Variants in SLC6A11 observed in about 807,000 individuals in gnomAD.
The protein encoded by SLC6A11 is sodium- and chloride-dependent GABA transporter 3.
In SLC6A11, 25 loss-of-function variants were observed where a neutral mutation model predicts 74.8. The observed-to-expected ratio is 0.33, with a 90% confidence interval of 0.24 to 0.47. The LOEUF (loss-of-function observed/expected upper bound fraction) is 0.47. Ranked by LOEUF, SLC6A11 falls within the 20% of genes least tolerant of loss-of-function variation. The probability of loss-of-function intolerance (pLI) is 1.00; values close to 1 mark genes in which losing one functional copy is unlikely to be tolerated. For missense variants in SLC6A11, 574 were observed against 837.0 expected (o/e 0.69, Z 3.88); for synonymous variants, 330 against 330.2 (o/e 1.00, Z 0.01).
chr3:10,870,654 T>C (rs1185961591), intron 5 of SLC6A11, among the ~76,000 whole-genome samples: 1 of 152,206 alleles, frequency 6.6e-6, no homozygotes, highest in African/African-American at 2.4e-5. Context: ...AGATTAGAAG[T>C]AGCTTTTACA....
At chr3:10,834,264 T>C (rs1351498410) in intron 4 of SLC6A11, among the ~76,000 whole-genome samples, 3 of 152,208 alleles carry the variant, frequency 2.0e-5, no homozygotes, top group Admixed American at 6.5e-5. Context: ...CTGCCTGCTT[T>C]ATCCCAGGTG....
intron 6 of SLC6A11, among the ~76,000 whole-genome samples, chr3:10,898,650 C>T (rs369101829): frequency 9.0e-4 from 137 of 152,336 alleles, no homozygotes; most frequent in African/African-American, 3.0e-3. Flanking sequence ...TGTCATTATC[C>T]GCATTTTTGT....
At chr3:10,846,301 C>T (rs1175459213) in intron 5 of SLC6A11, among the ~76,000 whole-genome samples, 1 of 152,190 alleles carries the variant, frequency 6.6e-6, no homozygotes, top group African/African-American at 2.4e-5. Flanking sequence ...GCTTTGTGAA[C>T]TGTGAAGAGA....
rs1379473342 is a variant in SLC6A11 at position 10,816,496 on chromosome 3, C to T, written c.231C>T (p.Pro77=). The change falls in exon 1 of 14, where the codon CCC becomes CCT. Residue 77 remains proline, a synonymous_variant. Transcript: ENST00000254488. The surrounding 1 kb of genome is among the most constrained non-coding windows in gnomAD (Gnocchi z 4.2). Reference sequence around the variant, plus strand: ...GGCTGGGCAACGTGTGGCGCTTCCCCTACCTGTGCTACAAGAACGGAGGAG... The same window carrying T: ...GGCTGGGCAACGTGTGGCGCTTCCCTTACCTGTGCTACAAGAACGGAGGAG... ...IIGLGNVWRF[P]YLCYKNGGGA... 1 of 1,603,580 alleles carries T rather than the reference C, an allele frequency of 6.2e-7. No individual in the cohort carries two copies. The highest frequency in any genetic ancestry group is 8.5e-7 in the Non-Finnish European group (1 of 1,175,480).
rs1694066977 is a variant in SLC6A11, at chr3:10,816,729, G to A, written c.256+208G>A. On this transcript the variant is annotated intron_variant, in intron 1 of 13. Transcript: ENST00000254488. The surrounding 1 kb of genome is among the most constrained non-coding windows in gnomAD (Gnocchi z 4.2). ...CGCGCACGTGCCAATTCGCACCTGA[G>A]GGTTCCACCTGCCAGCGCGGGGACT... Among the ~76,000 whole-genome samples, 1 of 152,340 alleles carries A rather than the reference G, an allele frequency of 6.6e-6. No individual in the cohort carries two copies. Among genetic ancestry groups the A allele is most frequent in the East Asian group, 1.9e-4 (1 of 5,154 alleles).
chr3:10,932,794 G>C (rs1695708388), intron 10 of SLC6A11, among the ~76,000 whole-genome samples: 1 of 152,176 alleles, frequency 6.6e-6, no homozygotes, highest in Admixed American at 6.5e-5. Flanking sequence ...GGATTGGAGA[G>C]GGTGAGGCTG....
At chr3:10,916,613 G>A (rs1043510593) in intron 7 of SLC6A11, among the ~76,000 whole-genome samples, 6 of 152,196 alleles carry the variant, frequency 3.9e-5, no homozygotes, top group African/African-American at 9.7e-5. Context: ...AATCATGCAA[G>A]CCCATCTCAA....
At chr3:10,904,155 C>A (rs890302563) in intron 6 of SLC6A11, among the ~76,000 whole-genome samples, 3 of 152,248 alleles carry the variant, frequency 2.0e-5, no homozygotes, top group Non-Finnish European at 4.4e-5. Context: ...ATCATGATGA[C>A]TGTAGCTAAA....
intron 6 of SLC6A11, among the ~76,000 whole-genome samples, chr3:10,878,221 C>T (rs1442941063): frequency 6.6e-6 from 1 of 152,124 alleles, no homozygotes; most frequent in Admixed American, 6.5e-5. Context: ...CTCCTGGCTG[C>T]GTCCCCTACT....
intron 4 of SLC6A11, among the ~76,000 whole-genome samples, chr3:10,829,093 A>C (rs1046266158): frequency 6.6e-6 from 1 of 152,238 alleles, no homozygotes; most frequent in Non-Finnish European, 1.5e-5. Context: ...AGAATTGAAT[A>C]AGACTTCTCC....
intron 8 of SLC6A11, among the ~76,000 whole-genome samples, chr3:10,925,471 C>T (rs945348496): frequency 4.6e-5 from 7 of 152,166 alleles, no homozygotes; most frequent in African/African-American, 1.7e-4. Flanking sequence ...CCCGAGGACA[C>T]GTTAACCCAG....
At chr3:10,904,031 G>T (rs1695273092) in intron 6 of SLC6A11, among the ~76,000 whole-genome samples, 1 of 152,262 alleles carries the variant, frequency 6.6e-6, no homozygotes, top group Non-Finnish European at 1.5e-5. Context: ...CTAACCTGGG[G>T]ATGATGATGC....
chr3:10,888,151 C>T (rs116232394), intron 6 of SLC6A11, among the ~76,000 whole-genome samples: 157 of 152,306 alleles, frequency 1.0e-3, no homozygotes, highest in African/African-American at 3.5e-3. Context: ...CACTGTGTGA[C>T]GTTAGGCGGA....
chr3:10,938,452 G>T lies in SLC6A11; in HGVS notation c.*50G>T. Reference sequence around the variant, plus strand: ...TTCTTCCTTTCTTCCCCCCGTGTATGTAAATGAATTCCTGAACCCCATACT... The same window carrying T: ...TTCTTCCTTTCTTCCCCCCGTGTATTTAAATGAATTCCTGAACCCCATACT... On this transcript the variant is annotated 3_prime_UTR_variant, in exon 14 of 14. Coordinates refer to ENST00000254488, the MANE Select transcript of SLC6A11 (RefSeq NM_014229.3). 6.5e-7 allele frequency: 1 copy of T among 1,531,700 alleles called. No individual in the cohort carries two copies. Among genetic ancestry groups the T allele is most frequent in the Non-Finnish European group, 8.9e-7 (1 of 1,129,802 alleles). The allele number at this position is 1,531,700 out of a possible 1,614,324, so 94.9% of individuals were successfully genotyped here. A position where few individuals can be genotyped will look rare whatever the true frequency, so the allele number is the denominator to read the frequency against.
intron 6 of SLC6A11, among the ~76,000 whole-genome samples, chr3:10,883,917 GAGTT>G (rs1695012352): frequency 6.6e-6 from 1 of 152,150 alleles, no homozygotes; most frequent in African/African-American, 2.4e-5. Flanking sequence ...ATTTGTTCCT[GAGTT>G]AGTTTCATTG....
At chr3:10,925,019 A>T (rs1053741450) in intron 8 of SLC6A11, among the ~76,000 whole-genome samples, 16 of 152,360 alleles carry the variant, frequency 1.1e-4, no homozygotes, top group African/African-American at 2.6e-4. Context: ...GACGAAAAAA[A>T]ATTGAATTGA....
At chr3:10,905,261 T>C (rs1235726354) in intron 6 of SLC6A11, among the ~76,000 whole-genome samples, 1 of 152,246 alleles carries the variant, frequency 6.6e-6, no homozygotes, top group East Asian at 1.9e-4. Flanking sequence ...CAGAGTTCCT[T>C]GTCTTTAGTT....
At chr3:10,906,170 C>T (rs368695741) in intron 6 of SLC6A11, among the ~76,000 whole-genome samples, 1 of 152,088 alleles carries the variant, frequency 6.6e-6, no homozygotes, top group Non-Finnish European at 1.5e-5. Flanking sequence ...TCTGGGTATT[C>T]GTCTCTCACC....
intron 5 of SLC6A11, among the ~76,000 whole-genome samples, chr3:10,863,280 G>C (rs940563222): frequency 6.6e-6 from 1 of 152,180 alleles, no homozygotes; most frequent in African/African-American, 2.4e-5. Flanking sequence ...GTCTCCTGAG[G>C]GCTAATGTGT....
Sources: gnomAD v4.1 joint callset for allele counts (sites outside exome capture counted in the v4.1 genomes callset) on GRCh38, gnomAD v4.1.1 for gene constraint, Gnocchi (gnomAD v3.1) non-coding constraint, MANE v1.5 for transcripts, NCBI Gene and HGNC (gene_info 2026-07-23, HGNC 2026-07-21) for gene names.